The following SUCLG2 variants were observed in gnomAD, a reference collection of about 807,000 sequenced individuals.
SUCLG2 encodes the protein succinate-CoA ligase GDP-forming subunit beta, also known as succinate--CoA ligase [GDP-forming] subunit beta, mitochondrial.
In SUCLG2, 42 loss-of-function variants were observed where a neutral mutation model predicts 47.9. The observed-to-expected ratio is 0.88, with a 90% CI of 0.69 to 1.14. SUCLG2 has a LOEUF of 1.14. Among genes scored for constraint, SUCLG2 ranks in the 50% most tolerant of loss-of-function variants. The probability of loss-of-function intolerance (pLI) is 0.00; values close to 1 mark genes in which losing one functional copy is unlikely to be tolerated. For missense variants in SUCLG2, 571 were observed against 525.9 expected (o/e 1.09, Z -0.84); for synonymous variants, 195 against 197.3 (o/e 0.99, Z 0.10).
chr3:67,601,315 T>C (rs1708413006), intron 2 of SUCLG2, among the ~76,000 whole-genome samples: 1 of 152,226 alleles, frequency 6.6e-6, no homozygotes, highest in African/African-American at 2.4e-5. Context: ...GATTAGAAGA[T>C]ATTTTTTACT....
rs370933709 is a variant in SUCLG2 at position 67,466,255 on chromosome 3, A to G, written c.1062+29543T>C. Among the ~76,000 whole-genome samples the G allele has an allele frequency of 3.5e-3, 528 of 152,320 alleles. 4 individuals are homozygous for G. The highest frequency in any genetic ancestry group is 0.012 in the African/African-American group (509 of 41,570). On this transcript the variant is annotated intron_variant, in intron 9 of 10. Transcript: ENST00000307227. ...GTAATCCCTGCTACTCAGGAGGCTG[A>G]GGCAAGATAATTGCTTGAACCTGGG...
intron 1 of SUCLG2, among the ~76,000 whole-genome samples, chr3:67,651,688 C>A (rs867864290): frequency 2.0e-5 from 3 of 152,168 alleles, no homozygotes; most frequent in African/African-American, 7.2e-5. Context: ...ACCTAGTTAG[C>A]TGGGTTTGCA....
intron 9 of SUCLG2, among the ~76,000 whole-genome samples, chr3:67,461,852 G>T (rs1158037102): frequency 6.6e-6 from 1 of 152,040 alleles, no homozygotes; most frequent in Non-Finnish European, 1.5e-5. Context: ...AAGGAGAAAG[G>T]GATAACAGGC....
rs192671522 is a variant in SUCLG2 at position 67,381,089 on chromosome 3, A to C, written c.1184-5230T>G. On this transcript the variant is annotated intron_variant, in intron 10 of 10. Coordinates refer to ENST00000307227, the MANE Select transcript of SUCLG2 (RefSeq NM_003848.4). ...CTACTCAGGAGGCTGAGGTCAGAGG[A>C]CCGCTTGAGCACAGAAGGTCAAGGC... 2.6e-5 allele frequency among the ~76,000 whole-genome samples: 4 copies of C among 152,200 alleles called. No homozygotes were observed. In the East Asian group the frequency reaches 5.8e-4, roughly 22 times the overall value.
rs1365504894 is a variant in SUCLG2 at position 67,508,918 on chromosome 3, G to A, written c.661-15C>T. The A allele has an allele frequency of 3.2e-6, 5 of 1,567,994 alleles. No homozygotes were observed. The African/African-American group carries it at 6.9e-5, about 22-fold the overall frequency. ...TGATCTGCAGCCTAAATGTGATCAA[G>A]TGAAATAGAATTACACCAAAGCAGT... On this transcript the variant is annotated splice_polypyrimidine_tract_variant and intron_variant, in intron 6 of 10. Transcript: ENST00000307227.
chr3:67,654,363 G>A (rs62256430), intron 1 of SUCLG2, 140 bp downstream of exon 1: 8 of 613,934 alleles, frequency 1.3e-5, no homozygotes, highest in Non-Finnish European at 1.6e-5. Context: ...CCTGGACCCG[G>A]CGCCGCGTCA....
chr3:67,516,626 T>C (rs369474116), intron 6 of SUCLG2, among the ~76,000 whole-genome samples: 1 of 152,214 alleles, frequency 6.6e-6, no homozygotes, highest in Non-Finnish European at 1.5e-5. Flanking sequence ...ACATGACAAA[T>C]GTTTCTTGGG....
Position 67,365,914 on chromosome 3 carries a change from A to C in SUCLG2, c.1184-5146T>G, listed in dbSNP as rs576310476. On this transcript the variant is annotated intron_variant, in intron 10 of 10. Transcript: ENST00000493112. ...GGAGTTTCATTGTTTGAAAACATGA[A>C]TCAATCCCCTTAAAGGTGATTTTTC... Among the ~76,000 whole-genome samples, 181 of 152,230 alleles carry C rather than the reference A, an allele frequency of 1.2e-3. 1 individual carries two copies. The highest frequency in any genetic ancestry group is 1.8e-3 in the Non-Finnish European group (120 of 68,038).
chr3:67,372,507 T>TTAAAAA (rs1701968701), downstream of SUCLG2, among the ~76,000 whole-genome samples: 1 of 152,172 alleles, frequency 6.6e-6, no homozygotes, highest in Non-Finnish European at 1.5e-5. Context: ...CTTTGGTAGT[T>TTAAAAA]TAATATTCAT....
At chr3:67,376,249 T>C in intron 10 of SUCLG2, 4 of 985,434 alleles carry the variant, frequency 4.1e-6, no homozygotes, top group Non-Finnish European at 4.8e-6. Flanking sequence ...GTTCCGAGAA[T>C]CTGCCCAGCT....
chr3:67,575,656 G>T (rs1707723933), intron 2 of SUCLG2, among the ~76,000 whole-genome samples: 1 of 152,126 alleles, frequency 6.6e-6, no homozygotes, highest in Admixed American at 6.5e-5. Flanking sequence ...CACTTGAAAT[G>T]GGTAAATTAA....
At chr3:67,549,170 C>A (rs943369394) in intron 2 of SUCLG2, among the ~76,000 whole-genome samples, 6 of 152,154 alleles carry the variant, frequency 3.9e-5, no homozygotes, top group Non-Finnish European at 1.5e-5. Context: ...GTGGCTCTTC[C>A]ATTTTCAACA....
intron 1 of SUCLG2, among the ~76,000 whole-genome samples, chr3:67,615,060 G>C (rs1700599852): frequency 6.6e-6 from 1 of 152,066 alleles, no homozygotes; most frequent in Non-Finnish European, 1.5e-5. Flanking sequence ...TGGAGGGGAA[G>C]GGGAAAAATA....
chr3:67,505,074 A>G (rs746856420), intron 7 of SUCLG2, among the ~76,000 whole-genome samples: 2 of 152,218 alleles, frequency 1.3e-5, no homozygotes, highest in Non-Finnish European at 2.9e-5. Context: ...CTCCTATACC[A>G]TATGATTCTT....
intron 9 of SUCLG2, among the ~76,000 whole-genome samples, chr3:67,416,600 T>C (rs1312965915): frequency 6.6e-6 from 1 of 152,220 alleles, no homozygotes. Context: ...TCTATAATGA[T>C]CTGTTACATA....
intron 9 of SUCLG2, among the ~76,000 whole-genome samples, chr3:67,457,297 T>C (rs984649074): frequency 6.6e-6 from 1 of 152,172 alleles, no homozygotes; most frequent in East Asian, 1.9e-4. Flanking sequence ...AAAGAACAGA[T>C]TTTCAATTTC....
intron 10 of SUCLG2, among the ~76,000 whole-genome samples, chr3:67,390,501 T>C (rs1305009902): frequency 6.6e-6 from 1 of 152,212 alleles, no homozygotes; most frequent in Non-Finnish European, 1.5e-5. Context: ...TTTACTTGCC[T>C]TATCAGAACA....
At chr3:67,578,419 A>C (rs1478003030) in intron 2 of SUCLG2, among the ~76,000 whole-genome samples, 2 of 151,928 alleles carry the variant, frequency 1.3e-5, no homozygotes, top group African/African-American at 2.4e-5. Flanking sequence ...ACTTAGACAA[A>C]ATAATTATGA....
At chr3:67,372,515 C>A (rs373890730), downstream of SUCLG2, among the ~76,000 whole-genome samples, 2 of 152,218 alleles carry the variant, frequency 1.3e-5, no homozygotes, top group East Asian at 3.9e-4. Flanking sequence ...GTTTAATATT[C>A]ATAGCCATGA....
Sources: allele counts gnomAD v4.1 joint callset (sites outside exome capture counted in the v4.1 genomes callset), GRCh38; gene constraint gnomAD v4.1.1; transcripts MANE v1.5; gene names NCBI Gene and HGNC (gene_info 2026-07-23, HGNC 2026-07-21).